Variants in PGBD5 observed in about 807,000 individuals in gnomAD.
PGBD5 encodes piggyBac transposable element-derived protein 5.
PGBD5 carries 14 observed loss-of-function variants against 47.9 expected under a neutral mutation model. That is an observed-to-expected ratio of 0.29 (90% CI 0.19 to 0.46). The LOEUF is 0.46. PGBD5 is among the 20% of genes least tolerant of loss of function. PGBD5 has a pLI of 1.00. For synonymous variants in PGBD5, 316 were observed against 306.3 expected (o/e 1.03, Z -0.33); for missense variants, 635 against 716.0 (o/e 0.89, Z 1.29).
intron 1 of PGBD5, among the ~76,000 whole-genome samples, chr1:230,366,783 A>G (rs942484834): frequency 3.9e-5 from 6 of 152,076 alleles, no homozygotes; most frequent in African/African-American, 1.4e-4. Context: ...GTATCTGATC[A>G]CACCCACGAC....
chr1:230,350,355 G>A (rs1667542113), intron 3 of PGBD5, among the ~76,000 whole-genome samples: 1 of 152,224 alleles, frequency 6.6e-6, no homozygotes, highest in Non-Finnish European at 1.5e-5. Context: ...ATCACAAAAA[G>A]CAGAGCTCAG....
intron 1 of PGBD5, among the ~76,000 whole-genome samples, chr1:230,378,615 C>T (rs998746782): frequency 7.2e-5 from 11 of 152,268 alleles, no homozygotes; most frequent in East Asian, 3.9e-4. Context: ...TTTGAACCAC[C>T]GCCTACTTCT....
intron 1 of PGBD5, among the ~76,000 whole-genome samples, chr1:230,395,838 CATTCCTACCCTCCTCCCCCTCT>C (rs1183528500): frequency 5.5e-5 from 3 of 54,232 alleles, no homozygotes; most frequent in Admixed American, 2.1e-4. Flanking sequence ...CTGAGCTCCT[CATTCCTACCCTCCTCCCCCTCT>C]TCATGCTCCT....
At chr1:230,422,352 A>C (rs1227428875) in intron 1 of PGBD5, among the ~76,000 whole-genome samples, 1 of 151,846 alleles carries the variant, frequency 6.6e-6, no homozygotes, top group Admixed American at 6.6e-5. Context: ...CCGGGCCTGA[A>C]TTTCATTCTG....
chr1:230,414,719 T>A (rs1170910192), intron 1 of PGBD5, among the ~76,000 whole-genome samples: 1 of 152,172 alleles, frequency 6.6e-6, no homozygotes, highest in Admixed American at 6.5e-5. Flanking sequence ...AGCTGAAATA[T>A]CAGCACTAAA....
At chr1:230,331,967 A>C (rs932150308) in intron 5 of PGBD5, among the ~76,000 whole-genome samples, 1 of 4,922 alleles carries the variant, frequency 2.0e-4, no homozygotes, top group African/African-American at 8.9e-4. Context: ...ATAAACTAGC[A>C]ACATACATTA....
intron 1 of PGBD5, among the ~76,000 whole-genome samples, chr1:230,396,567 T>TC (rs1656984959): frequency 1.4e-5 from 1 of 72,702 alleles, no homozygotes; most frequent in Non-Finnish European, 2.7e-5. Context: ...TTGCCCCCCC[T>TC]CCCCCTGCAT....
intron 1 of PGBD5, among the ~76,000 whole-genome samples, chr1:230,423,043 C>G (rs1304605747): frequency 6.6e-6 from 1 of 151,858 alleles, no homozygotes; most frequent in Non-Finnish European, 1.5e-5. Context: ...AAACCAAAAA[C>G]CTAGCACAAG....
chr1:230,424,564 C>T (rs1272812285), intron 1 of PGBD5, among the ~76,000 whole-genome samples: 1 of 152,240 alleles, frequency 6.6e-6, no homozygotes, highest in Non-Finnish European at 1.5e-5. Context: ...GCCTGCCTTC[C>T]CATGTGCCGT....
chr1:230,346,149 C>G (rs950117797), intron 3 of PGBD5, among the ~76,000 whole-genome samples: 2 of 152,112 alleles, frequency 1.3e-5, no homozygotes, highest in Non-Finnish European at 1.5e-5. Context: ...TCAAGGGAAC[C>G]TTCCCGCCTC....
intron 1 of PGBD5, among the ~76,000 whole-genome samples, chr1:230,390,750 G>T (rs201560370): frequency 6.6e-6 from 1 of 151,644 alleles, no homozygotes; most frequent in Non-Finnish European, 1.5e-5. Context: ...AGTTTTTTTT[G>T]TTTGTTTGTT....
chr1:230,403,703 C>T (rs1657202491), intron 1 of PGBD5, among the ~76,000 whole-genome samples: 1 of 152,328 alleles, frequency 6.6e-6, no homozygotes, highest in Non-Finnish European at 1.5e-5. Context: ...GCGGGGTCCG[C>T]TCTGGACACA....
chr1:230,414,959 C>T lies in PGBD5; in HGVS notation c.331+10639G>A, dbSNP rs1239963297. 2.0e-5 allele frequency among the ~76,000 whole-genome samples: 3 copies of T among 152,278 alleles called. No individual in the cohort carries two copies. In the East Asian group the frequency reaches 5.8e-4, roughly 29 times the overall value. On this transcript the variant is annotated intron_variant, in intron 1 of 6. Transcript: ENST00000391860. ...GGCACTGGTGGAAGATGTCACCTTCCCCAAACGCATAAAGTGCTCAAATAA... is the reference window on the plus strand; with the variant it reads ...GGCACTGGTGGAAGATGTCACCTTCTCCAAACGCATAAAGTGCTCAAATAA...
chr1:230,342,643 G>T (rs1667422462), intron 3 of PGBD5, among the ~76,000 whole-genome samples: 1 of 152,174 alleles, frequency 6.6e-6, no homozygotes, highest in Admixed American at 6.5e-5. Flanking sequence ...CATGGGCACG[G>T]GCTCTGTCAT....
At position 230,357,907 on chromosome 1, in the gene PGBD5, C is replaced by T. The variant is rs549915500; in HGVS notation, c.332-586G>A. On this transcript the variant is annotated intron_variant, in intron 1 of 6. Transcript: ENST00000391860. This position sits in a 1 kb window ranked among gnomAD's most constrained non-coding sequence, Gnocchi z 5.7. ...TGTCTGCCAGTCTGGGGTACTTCTC[C>T]GTACAAGGAAGAAAGCATGCATATA... 7.9e-5 allele frequency among the ~76,000 whole-genome samples: 12 copies of T among 152,028 alleles called. No individual in the cohort carries two copies. Among genetic ancestry groups the T allele is most frequent in the East Asian group, 1.9e-4 (1 of 5,180 alleles).
chr1:230,376,372 G>T (rs1165751214), intron 1 of PGBD5, among the ~76,000 whole-genome samples: 1 of 152,074 alleles, frequency 6.6e-6, no homozygotes, highest in Non-Finnish European at 1.5e-5. Flanking sequence ...ACACTTGGAA[G>T]CCCAGAATTC....
chr1:230,325,252 C>G, intron 6 of PGBD5, 58 bp downstream of exon 6: 1 of 1,279,112 alleles, frequency 7.8e-7, no homozygotes, highest in South Asian at 1.3e-5. Context: ...CATTACATCT[C>G]TTCCGAGACG....
In PGBD5 at chr1:230,357,428, C is replaced by T. The variant is rs77462072; in HGVS notation, c.332-107G>A. ...CCCTGGGTCCCTGGCCGAGTGCCCC[C>T]GCTGCCTCCAGTGCTACCGCCTTCC... On this transcript the variant is annotated intron_variant, in intron 1 of 6. Coordinates refer to ENST00000391860, the MANE Select transcript of PGBD5 (RefSeq NM_001258311.2). The surrounding 1 kb of genome is among the most constrained non-coding windows in gnomAD (Gnocchi z 5.7). 3,421 of 1,247,944 alleles carry T rather than the reference C, an allele frequency of 2.7e-3. 56 individuals carry two copies. The African/African-American group carries it at 0.038, about 14-fold the overall frequency. 77.3% of individuals were successfully genotyped at this position (1,247,944 alleles called of 1,614,324 possible).
At chr1:230,340,588 A>C (rs1026225723) in intron 3 of PGBD5, among the ~76,000 whole-genome samples, 1 of 152,128 alleles carries the variant, frequency 6.6e-6, no homozygotes, top group Non-Finnish European at 1.5e-5. Context: ...ATACAACTTA[A>C]TCAGAAAACA....
Sources: gnomAD v4.1 joint callset for allele counts (sites outside exome capture counted in the v4.1 genomes callset) on GRCh38, gnomAD v4.1.1 for gene constraint, Gnocchi (gnomAD v3.1) non-coding constraint, MANE v1.5 for transcripts, NCBI Gene and HGNC (gene_info 2026-07-23, HGNC 2026-07-21) for gene names.